PARD6B: variants seen among roughly 807,000 people sequenced by gnomAD.
The protein encoded by PARD6B is partitioning defective 6 homolog beta.
Under a neutral mutation model 10.5 loss-of-function variants are expected in PARD6B, and 4 were observed. The observed-to-expected ratio is 0.38, with a 90% confidence interval of 0.19 to 0.87. PARD6B has a LOEUF of 0.87. PARD6B is among the 40% of genes least tolerant of loss of function. PARD6B has a pLI of 0.41. For synonymous variants in PARD6B, 169 were observed against 170.4 expected, an observed-to-expected ratio of 0.99 and a Z score of 0.07; for missense variants, 396 against 470.6, an observed-to-expected ratio of 0.84 and a Z score of 1.47.
chr20:50,735,628 C>T (rs2087495594), intron 1 of PARD6B, among the ~76,000 whole-genome samples: 1 of 152,006 alleles, frequency 6.6e-6, no homozygotes, highest in Non-Finnish European at 1.5e-5. Flanking sequence ...TCCCTTAATC[C>T]TATTGTTGTG....
rs2087544761 is a variant in PARD6B at position 50,743,798 on chromosome 20, A to G, written c.289+5719A>G. 1.3e-5 allele frequency among the ~76,000 whole-genome samples: 2 copies of G among 151,566 alleles called. 1 individual carries two copies. The highest frequency in any genetic ancestry group is 4.2e-4 in the South Asian group (2 of 4,762). ...CAGCTACTCGGAAGGCTGAGGCAGG[A>G]GAATGGCATGAACCCAGGAGGCGGA... is the stretch of plus-strand genomic sequence containing the variant. On this transcript the variant is annotated intron_variant, in intron 2 of 2. Transcript: ENST00000371610.
Position 50,751,419 on chromosome 20 carries a change from G to A in PARD6B, c.*931G>A, listed in dbSNP as rs576215792. 11 of 783,324 alleles carry A rather than the reference G, an allele frequency of 1.4e-5. No individual in the cohort carries two copies. Among genetic ancestry groups the A allele is most frequent in the Non-Finnish European group, 1.5e-5 (10 of 669,718 alleles). The allele number at this position is 783,324 out of a possible 1,614,324, so 48.5% of individuals were successfully genotyped here. ...CGCCCAGGCTGGAGTGCAGTGGCGC[G>A]ATCTTGGCTCACTGCAAGCTCTACC... On this transcript the variant is annotated 3_prime_UTR_variant, in exon 3 of 3. Transcript: ENST00000371610.
chr20:50,736,365 CATA>C (rs1181037542), intron 1 of PARD6B, among the ~76,000 whole-genome samples: 2 of 152,068 alleles, frequency 1.3e-5, no homozygotes, highest in Non-Finnish European at 2.9e-5. Context: ...TTCTCTGGGA[CATA>C]ATATTTTTAC....
At position 50,751,117 on chromosome 20, in the gene PARD6B, A is replaced by G. The variant is rs2087605847; in HGVS notation, c.*629A>G. 2.0e-6 allele frequency: 1 copy of G among 508,168 alleles called. No individual in the cohort carries two copies. The highest frequency in any genetic ancestry group is 2.5e-6 in the Non-Finnish European group (1 of 395,224). The allele number at this position is 508,168 out of a possible 1,614,324, so 31.5% of individuals were successfully genotyped here. On this transcript the variant is annotated 3_prime_UTR_variant, in exon 3 of 3. Transcript: ENST00000371610. ...CCTGAGTAGCTGGGACCATAGGCAC[A>G]TACCACCACATCTGTCTACTTTTTG... is the stretch of plus-strand genomic sequence containing the variant.
rs907158123 is a variant in PARD6B, at chr20:50,751,850, C to T, written c.*1362C>T. The T allele has an allele frequency of 6.9e-6, 6 of 864,654 alleles. No individual in the cohort carries two copies. Among genetic ancestry groups the T allele is most frequent in the African/African-American group, 1.8e-5 (1 of 54,102 alleles). 53.6% of individuals were successfully genotyped at this position (864,654 alleles called of 1,614,324 possible). A position where few individuals can be genotyped will look rare whatever the true frequency, so the allele number is the denominator to read the frequency against. Reference sequence around the variant, plus strand: ...CTGAGTAGCTAAGATTACAGGTGTGCGCCAACACGTCTGGCTTATTTTTTT... The same window carrying T: ...CTGAGTAGCTAAGATTACAGGTGTGTGCCAACACGTCTGGCTTATTTTTTT... On this transcript the variant is annotated 3_prime_UTR_variant, in exon 3 of 3. Coordinates refer to ENST00000371610, the MANE Select transcript of PARD6B (RefSeq NM_032521.3).
chr20:50,751,856 C>A lies in PARD6B; in HGVS notation c.*1368C>A. The stretch of plus-strand genomic sequence containing the variant: ...AGCTAAGATTACAGGTGTGCGCCAA[C>A]ACGTCTGGCTTATTTTTTTGTATTT... On this transcript the variant is annotated 3_prime_UTR_variant, in exon 3 of 3. Coordinates refer to ENST00000371610, the MANE Select transcript of PARD6B (RefSeq NM_032521.3). 1 of 867,706 alleles carries A rather than the reference C, an allele frequency of 1.2e-6. No homozygotes were observed. The highest frequency in any genetic ancestry group is 1.4e-6 in the Non-Finnish European group (1 of 723,376). The allele number at this position is 867,706 out of a possible 1,614,324, so 53.8% of individuals were successfully genotyped here. A position where few individuals can be genotyped will look rare whatever the true frequency, so the allele number is the denominator to read the frequency against.
At position 50,751,283 on chromosome 20, in the gene PARD6B, G is replaced by A. The variant is rs1255340022; in HGVS notation, c.*795G>A. ...CCTATTTTGATTTTTGTTTTTTTAT[G>A]TTCCTTTCTAATAAATTGTAACAAA... On this transcript the variant is annotated 3_prime_UTR_variant, in exon 3 of 3. Transcript: ENST00000371610. 1.0e-6 allele frequency: 1 copy of A among 956,530 alleles called. No homozygotes were observed. The highest frequency in any genetic ancestry group is 1.2e-6 in the Non-Finnish European group (1 of 811,142). 59.3% of individuals were successfully genotyped at this position (956,530 alleles called of 1,614,324 possible).
chr20:50,753,075 C>CTT lies in PARD6B; in HGVS notation c.*2597_*2598dup, dbSNP rs781547758. 13 of 751,312 alleles carry CTT rather than the reference C, an allele frequency of 1.7e-5. No individual in the cohort carries two copies. The highest frequency in any genetic ancestry group is 1.2e-4 in the South Asian group (2 of 17,128). 46.5% of individuals were successfully genotyped at this position (751,312 alleles called of 1,614,324 possible). ...AAATATTTTTACACACTACCTCTCT[C>CTT]TTTTTTTTTTTAAAGTTTTAACATC... On this transcript the variant is annotated 3_prime_UTR_variant, in exon 3 of 3. Transcript: ENST00000371610.
In PARD6B at chr20:50,752,788, A is replaced by G. The variant is rs1377508443; in HGVS notation, c.*2300A>G. 2.0e-6 allele frequency: 2 copies of G among 976,546 alleles called. No homozygotes were observed. Among genetic ancestry groups the G allele is most frequent in the African/African-American group, 1.8e-5 (1 of 56,976 alleles). The allele number at this position is 976,546 out of a possible 1,614,324, so 60.5% of individuals were successfully genotyped here. A position where few individuals can be genotyped will look rare whatever the true frequency, so the allele number is the denominator to read the frequency against. ...TTACGTGAAGATCACTTGACTCAGA[A>G]TACTTCAATGTATTTTGTTCACATT... On this transcript the variant is annotated 3_prime_UTR_variant, in exon 3 of 3. Coordinates refer to ENST00000371610, the MANE Select transcript of PARD6B (RefSeq NM_032521.3).
In PARD6B at chr20:50,753,015, A is replaced by G. The variant is rs540226281; in HGVS notation, c.*2527A>G. Reference sequence around the variant, plus strand: ...TGTAGAAGGTTAACTTTCATTTATAATATAAGTGGTGCAGGGGTTCAACAT... The same window carrying G: ...TGTAGAAGGTTAACTTTCATTTATAGTATAAGTGGTGCAGGGGTTCAACAT... On this transcript the variant is annotated 3_prime_UTR_variant, in exon 3 of 3. Transcript: ENST00000371610. The G allele has an allele frequency of 2.0e-6, 2 of 983,038 alleles. No individual in the cohort carries two copies. The highest frequency in any genetic ancestry group is 1.7e-5 in the African/African-American group (1 of 57,242). 60.9% of individuals were successfully genotyped at this position (983,038 alleles called of 1,614,324 possible). A position where few individuals can be genotyped will look rare whatever the true frequency, so the allele number is the denominator to read the frequency against.
rs2087623305 is a variant in PARD6B, at chr20:50,753,072, TCTC to T, written c.*2585_*2587del. The T allele has an allele frequency of 1.0e-6, 1 of 979,302 alleles. No individual in the cohort carries two copies. The highest frequency in any genetic ancestry group is 1.8e-5 in the African/African-American group (1 of 55,280). 60.7% of individuals were successfully genotyped at this position (979,302 alleles called of 1,614,324 possible). ...TAAAAATATTTTTACACACTACCTCTCTCTTTTTTTTTTTAAAGTTTTAACATC... is the reference window on the plus strand; with the variant it reads ...TAAAAATATTTTTACACACTACCTCTTTTTTTTTTTTAAAGTTTTAACATC... On this transcript the variant is annotated 3_prime_UTR_variant, in exon 3 of 3. Coordinates refer to ENST00000371610, the MANE Select transcript of PARD6B (RefSeq NM_032521.3).
Position 50,753,252 on chromosome 20 carries a change from A to G in PARD6B, c.*2764A>G, listed in dbSNP as rs115752561. 1,601 of 984,760 alleles carry G rather than the reference A, an allele frequency of 1.6e-3. 24 individuals carry two copies. The African/African-American group carries it at 0.026, about 16-fold the overall frequency. The allele number at this position is 984,760 out of a possible 1,614,324, so 61.0% of individuals were successfully genotyped here. On this transcript the variant is annotated 3_prime_UTR_variant, in exon 3 of 3. Transcript: ENST00000371610. ...ATTATCCTGTTAAGGGTATCTATCA[A>G]TGGTATTTTCAAGTAGATCTCTGTT...
Position 50,753,519 on chromosome 20 carries a change from A to G in PARD6B, c.*3031A>G, listed in dbSNP as rs955028064. ...AATGTTCTCGAGCTATCAACAAAATATATGTACTTTTGTGAGCTATGAATT... is the reference window on the plus strand; with the variant it reads ...AATGTTCTCGAGCTATCAACAAAATGTATGTACTTTTGTGAGCTATGAATT... On this transcript the variant is annotated 3_prime_UTR_variant, in exon 3 of 3. Transcript: ENST00000371610. 75 of 938,298 alleles carry G rather than the reference A, an allele frequency of 8.0e-5. No individual in the cohort carries two copies. Among genetic ancestry groups the G allele is most frequent in the Non-Finnish European group, 9.3e-5 (73 of 786,840 alleles). 58.1% of individuals were successfully genotyped at this position (938,298 alleles called of 1,614,324 possible).
At chr20:50,747,517 A>C (rs1260521170) in intron 2 of PARD6B, among the ~76,000 whole-genome samples, 3 of 47,162 alleles carry the variant, frequency 6.4e-5, no homozygotes, top group Admixed American at 3.1e-4. Flanking sequence ...TTTTTTGCCT[A>C]GCCACTGGAA....
chr20:50,740,138 A>G (rs1163420040), intron 2 of PARD6B, among the ~76,000 whole-genome samples: 3 of 152,254 alleles, frequency 2.0e-5, no homozygotes, highest in Non-Finnish European at 2.9e-5. Flanking sequence ...AGAAATCCAA[A>G]AACTAGTTAG....
rs1002284656 is a variant in PARD6B at position 50,748,516 on chromosome 20, A to G, written c.290-1143A>G. On this transcript the variant is annotated intron_variant, in intron 2 of 2. Coordinates refer to ENST00000371610, the MANE Select transcript of PARD6B (RefSeq NM_032521.3). ...CTTGAGAATCAAATATCCCACTTCA[A>G]GTATTTGAGTTGAATATGATAAACA... 9.2e-5 allele frequency among the ~76,000 whole-genome samples: 14 copies of G among 152,326 alleles called. No homozygotes were observed. In the Middle Eastern group the frequency reaches 0.01, roughly 111 times the overall value.
chr20:50,731,877 A>G, intron 1 of PARD6B, 25 bp downstream of exon 1: 1 of 1,414,490 alleles, frequency 7.1e-7, no homozygotes, highest in South Asian at 1.5e-5. Context: ...GGCTGGGCGG[A>G]GCGGCGGGCC....
rs200306022 is a variant in PARD6B, at chr20:50,734,509, C to CTTATTTAT, written c.66+2680_66+2687dup. Reference sequence around the variant, plus strand: ...TACAGGCGTGCACCACTACACCCAGCTTATTTATTTATTTATTTATTTATT... The same window carrying CTTATTTAT: ...TACAGGCGTGCACCACTACACCCAGCTTATTTATTTATTTATTTATTTATTTATTTATT... On this transcript the variant is annotated intron_variant, in intron 1 of 2. Coordinates refer to ENST00000371610, the MANE Select transcript of PARD6B (RefSeq NM_032521.3). Among the ~76,000 whole-genome samples the CTTATTTAT allele has an allele frequency of 2.0e-3, 304 of 150,602 alleles. 3 individuals carry two copies. Among genetic ancestry groups the CTTATTTAT allele is most frequent in the African/African-American group, 4.4e-3 (179 of 41,042 alleles).
Position 50,752,962 on chromosome 20 carries a change from A to C in PARD6B, c.*2474A>C. 1.0e-6 allele frequency: 1 copy of C among 984,150 alleles called. No homozygotes were observed. The highest frequency in any genetic ancestry group is 1.2e-6 in the Non-Finnish European group (1 of 828,464). 61.0% of individuals were successfully genotyped at this position (984,150 alleles called of 1,614,324 possible). A position where few individuals can be genotyped will look rare whatever the true frequency, so the allele number is the denominator to read the frequency against. ...ACATTCTGTGAGTCTTACAAATTTG[A>C]CTCTTGAATGGCAAAATAATGTTAG... On this transcript the variant is annotated 3_prime_UTR_variant, in exon 3 of 3. Transcript: ENST00000371610.
Sources: allele counts gnomAD v4.1 joint callset (sites outside exome capture counted in the v4.1 genomes callset), GRCh38; gene constraint gnomAD v4.1.1; transcripts MANE v1.5; gene names NCBI Gene and HGNC (gene_info 2026-07-23, HGNC 2026-07-21).